Variants in CLMN observed in about 807,000 individuals in gnomAD.
The protein encoded by CLMN is calmin (calponin-like, transmembrane).
A neutral mutation model predicts 92.7 loss-of-function variants in CLMN; 57 were observed. That is an observed-to-expected ratio of 0.61 (90% CI 0.50 to 0.77). The LOEUF (loss-of-function observed/expected upper bound fraction) is 0.77, where lower values mean the gene tolerates loss of function less well. Among genes scored for constraint, CLMN ranks in the 30% least tolerant of loss-of-function variants. The probability of loss-of-function intolerance (pLI) is 0.00; values close to 1 mark genes in which losing one functional copy is unlikely to be tolerated. For missense variants in CLMN, 1,158 were observed against 1,237.5 expected (o/e 0.94, Z 0.96); for synonymous variants, 466 against 470.6 (o/e 0.99, Z 0.13).
Position 95,312,889 on chromosome 14 carries a change from A to G in CLMN, c.82+6822T>C, listed in dbSNP as rs138179192. Reference sequence around the variant, plus strand: ...AAAAACATCACTGACAGACATACACACACAGAGAGATACACACTAAAAATA... The same window carrying G: ...AAAAACATCACTGACAGACATACACGCACAGAGAGATACACACTAAAAATA... On this transcript the variant is annotated intron_variant, in intron 1 of 12. Coordinates refer to ENST00000298912, the MANE Select transcript of CLMN (RefSeq NM_024734.4). Among the ~76,000 whole-genome samples, 3 of 152,132 alleles carry G rather than the reference A, an allele frequency of 2.0e-5. No individual in the cohort carries two copies. In the East Asian group the frequency reaches 5.8e-4, roughly 29 times the overall value.
chr14:95,319,767 A>T lies in CLMN; in HGVS notation c.26T>A (p.Phe9Tyr). 1.9e-6 allele frequency: 3 copies of T among 1,594,864 alleles called. No homozygotes were observed. Among genetic ancestry groups the T allele is most frequent in the Non-Finnish European group, 2.6e-6 (3 of 1,174,892 alleles). The stretch of plus-strand genomic sequence containing the variant: ...CTGCCCGATGAGCTCCTCGCGTTGG[A>T]ACCAGTCCCACTCGTGTGCAGCCAT... MAAHEWDW[F>Y]QREELIGQIS... The change falls in exon 1 of 13, where the codon TTC becomes TAC. Residue 9 changes from phenylalanine to tyrosine, a missense_variant. Coordinates refer to ENST00000298912, the MANE Select transcript of CLMN (RefSeq NM_024734.4).
chr14:95,245,647 G>A (rs1338650977), intron 1 of CLMN, among the ~76,000 whole-genome samples: 5 of 136,918 alleles, frequency 3.7e-5, no homozygotes, highest in Non-Finnish European at 7.9e-5. Context: ...TGGATGGATG[G>A]ATGAATGGAT....
At chr14:95,277,115 G>T (rs1595087074) in intron 1 of CLMN, among the ~76,000 whole-genome samples, 1 of 150,274 alleles carries the variant, frequency 6.7e-6, no homozygotes, top group Admixed American at 6.6e-5. Flanking sequence ...CTGGTTGAAT[G>T]AATGGTAAAA....
At chr14:95,272,305 C>A (rs906040586) in intron 1 of CLMN, among the ~76,000 whole-genome samples, 1 of 151,326 alleles carries the variant, frequency 6.6e-6, no homozygotes, top group African/African-American at 2.4e-5. Context: ...GGAGGGCACT[C>A]CAGGAAGAGG....
rs530985991 is a variant in CLMN, at chr14:95,184,542, C to G, written c.*7022G>C. On this transcript the variant is annotated 3_prime_UTR_variant, in exon 13 of 13. Coordinates refer to ENST00000298912, the MANE Select transcript of CLMN (RefSeq NM_024734.4). ...TTTTGGCATGTTGCTCCAGCCCTGG[C>G]TGGGAGGAACTGCTTGCTTGATGTG... 2.0e-4 allele frequency: 30 copies of G among 152,350 alleles called. No individual in the cohort carries two copies. The highest frequency in any genetic ancestry group is 3.5e-4 in the Non-Finnish European group (24 of 68,032). The allele number at this position is 152,350 out of a possible 1,614,324, so 9.4% of individuals were successfully genotyped here.
chr14:95,308,468 A>C (rs1046543866), intron 1 of CLMN, among the ~76,000 whole-genome samples: 1 of 152,186 alleles, frequency 6.6e-6, no homozygotes, highest in Non-Finnish European at 1.5e-5. Flanking sequence ...GACTGACTTC[A>C]TCTTCCCAGG....
chr14:95,313,625 C>T (rs1901635731), intron 1 of CLMN, among the ~76,000 whole-genome samples: 1 of 148,498 alleles, frequency 6.7e-6, no homozygotes, highest in African/African-American at 2.5e-5. Flanking sequence ...CTAACGCAAT[C>T]TACCACTGTT....
At chr14:95,311,637 A>T (rs995797746) in intron 1 of CLMN, among the ~76,000 whole-genome samples, 3 of 152,106 alleles carry the variant, frequency 2.0e-5, no homozygotes, top group Non-Finnish European at 4.4e-5. Flanking sequence ...ACAGAAATAA[A>T]AGGTGAAGGT....
chr14:95,245,576 A>ATGAATGGATAGG (rs1169647097), intron 1 of CLMN, among the ~76,000 whole-genome samples: 451 of 103,104 alleles, frequency 4.4e-3, no homozygotes, highest in African/African-American at 0.022. Flanking sequence ...GGATGGATGA[A>ATGAATGGATAGG]TGGATGGGTG....
At chr14:95,244,785 A>AT (rs898921065) in intron 1 of CLMN, among the ~76,000 whole-genome samples, 3 of 152,040 alleles carry the variant, frequency 2.0e-5, no homozygotes, top group African/African-American at 7.2e-5. Flanking sequence ...AAAGAAGGAC[A>AT]TATCATATCA....
intron 1 of CLMN, among the ~76,000 whole-genome samples, chr14:95,242,250 CTTTTTTTTTTT>C (rs371417505): frequency 3.1e-3 from 285 of 92,588 alleles, no homozygotes; most frequent in African/African-American, 9.2e-3. Flanking sequence ...TTTTCTTTTT[CTTTTTTTTTTT>C]TTTTTTTTTT....
At chr14:95,234,868 A>T (rs1898001524) in intron 1 of CLMN, among the ~76,000 whole-genome samples, 1 of 152,254 alleles carries the variant, frequency 6.6e-6, no homozygotes, top group South Asian at 2.1e-4. Context: ...TGCACGCATT[A>T]GGAGTTAAAA....
rs757824986 is a variant in CLMN, at chr14:95,209,475, T to C, written c.805A>G (p.Ile269Val). Residue 269 changes from isoleucine (I) to valine (V), a missense_variant and splice_region_variant, in exon 8 of 13, where the codon ATC (isoleucine) becomes GTC (valine). By Grantham distance (29) the Ile-to-Val change is conservative. Transcript: ENST00000298912. Reference protein sequence around the residue: ...HIPRLLEPEDIMVDTPDEQSI... With the variant: ...HIPRLLEPEDVMVDTPDEQSI... Reference sequence around the variant, plus strand: ...TGCTCGTCTGGTGTGTCAACCATGATGTCTGTCGAGAGAGACACAGGAATT... The same window carrying C: ...TGCTCGTCTGGTGTGTCAACCATGACGTCTGTCGAGAGAGACACAGGAATT... 6.2e-7 allele frequency: 1 copy of C among 1,613,636 alleles called. No homozygotes were observed. Among genetic ancestry groups the C allele is most frequent in the South Asian group, 1.1e-5 (1 of 91,074 alleles).
In CLMN at chr14:95,194,100, C is replaced by T; in HGVS notation, c.2770-181G>A. On this transcript the variant is annotated intron_variant, in intron 11 of 12. Coordinates refer to ENST00000298912, the MANE Select transcript of CLMN (RefSeq NM_024734.4). This position sits in a 1 kb window ranked among gnomAD's most constrained non-coding sequence, Gnocchi z 4.0. ...CAATATACATTCCTCTACCTCCTCC[C>T]CTAAGCCCCTCCCTTGTGAGTGCGA... 7.0e-7 allele frequency: 1 copy of T among 1,428,708 alleles called. No homozygotes were observed. The highest frequency in any genetic ancestry group is 9.1e-7 in the Non-Finnish European group (1 of 1,098,322). 88.5% of individuals were successfully genotyped at this position (1,428,708 alleles called of 1,614,324 possible).
chr14:95,245,744 G>GTGGA (rs1417825401), intron 1 of CLMN, among the ~76,000 whole-genome samples: 3 of 144,184 alleles, frequency 2.1e-5, no homozygotes, highest in Non-Finnish European at 1.5e-5. Context: ...AAATGGATGG[G>GTGGA]TGGATGGATG....
At chr14:95,254,330 G>C (rs934047362) in intron 1 of CLMN, among the ~76,000 whole-genome samples, 2 of 152,200 alleles carry the variant, frequency 1.3e-5, no homozygotes, top group African/African-American at 4.8e-5. Flanking sequence ...ATGCAAATTG[G>C]TTCCAAAGCA....
chr14:95,218,705 C>T (rs1240246596), intron 4 of CLMN, among the ~76,000 whole-genome samples: 2 of 152,250 alleles, frequency 1.3e-5, no homozygotes, highest in African/African-American at 2.4e-5. Flanking sequence ...TGCCTTCCCA[C>T]CGGGCCATTC....
intron 1 of CLMN, among the ~76,000 whole-genome samples, chr14:95,296,911 G>A (rs1426687173): frequency 6.6e-6 from 1 of 152,204 alleles, no homozygotes; most frequent in Non-Finnish European, 1.5e-5. Flanking sequence ...AGGTTTGTCT[G>A]ACTCCAGGGC....
chr14:95,319,842 G>T lies in CLMN; in HGVS notation c.-50C>A. On this transcript the variant is annotated 5_prime_UTR_variant, in exon 1 of 13. Transcript: ENST00000298912. The stretch of plus-strand genomic sequence containing the variant: ...CCAGCGCGGCGCGGGCGGCGGGCGC[G>T]GAGAGCCTGGCTGGCGGGCGCGCGA... 3.5e-6 allele frequency: 4 copies of T among 1,156,640 alleles called. No individual in the cohort carries two copies. The highest frequency in any genetic ancestry group is 4.3e-6 in the Non-Finnish European group (4 of 932,836). The allele number at this position is 1,156,640 out of a possible 1,614,324, so 71.6% of individuals were successfully genotyped here.
Sources: gnomAD v4.1 joint callset for allele counts (sites outside exome capture counted in the v4.1 genomes callset) on GRCh38, gnomAD v4.1.1 for gene constraint, Gnocchi (gnomAD v3.1) non-coding constraint, MANE v1.5 for transcripts, NCBI Gene and HGNC (gene_info 2026-07-23, HGNC 2026-07-21) for gene names.